Variants in MUC17 observed in about 807,000 individuals in gnomAD.
MUC17 encodes the protein mucin-17.
Under a neutral mutation model 170.3 loss-of-function variants are expected in MUC17, and 190 were observed. The ratio of observed to expected loss-of-function variants is 1.12; its 90% CI spans 0.99 to 1.26. The LOEUF is 1.26. Among genes scored for constraint, MUC17 ranks in the 50% most tolerant of loss-of-function variants. The pLI, the probability that MUC17 is intolerant of heterozygous loss-of-function variation, is 0.00. For synonymous variants in MUC17, 2,325 were observed against 2,002.5 expected, an observed-to-expected ratio of 1.16 and a Z score of -4.30; for missense variants, 6,415 against 5,530.0, an observed-to-expected ratio of 1.16 and a Z score of -5.08.
rs1794575153 is a variant in MUC17 at position 101,038,673 on chromosome 7, A to T, written c.7257A>T (p.Thr2419=). 6.2e-7 allele frequency: 1 copy of T among 1,613,710 alleles called. No homozygotes were observed. The highest frequency in any genetic ancestry group is 8.5e-7 in the Non-Finnish European group (1 of 1,179,932). ...GTTCTGAGGCTAGCACCCATTCCACAACTCCTGTTGACACCAGCACACCTG... is the reference window on the plus strand; with the variant it reads ...GTTCTGAGGCTAGCACCCATTCCACTACTCCTGTTGACACCAGCACACCTG... ...VVSSEASTHS[T]TPVDTSTPVT... Residue 2419 remains threonine (T), a synonymous_variant, in exon 3 of 13, where the codon ACA becomes ACT. Coordinates refer to ENST00000306151, the MANE Select transcript of MUC17 (RefSeq NM_001040105.2).
chr7:101,037,079 C>T lies in MUC17; in HGVS notation c.5663C>T (p.Ser1888Leu), dbSNP rs1284261080. 1.3e-6 allele frequency: 2 copies of T among 1,582,290 alleles called. No individual in the cohort carries two copies. Among genetic ancestry groups the T allele is most frequent in the Non-Finnish European group, 1.7e-6 (2 of 1,177,712 alleles). ...GCCAGTTCTGAAACCAACACCCTTT[C>T]AACAACTCCCGCTGTCACCAGCACA... is the stretch of plus-strand genomic sequence containing the variant. ...TVASSETNTL[S>L]TTPAVTSTPV... Residue 1888 changes from serine (S) to leucine (L), a missense_variant, in exon 3 of 13, where the codon TCA (serine) becomes TTA (leucine). Transcript: ENST00000306151.
At chr7:101,047,555 C>A (rs143207815) in intron 3 of MUC17, among the ~76,000 whole-genome samples, 1 of 152,142 alleles carries the variant, frequency 6.6e-6, no homozygotes, top group African/African-American at 2.4e-5. Context: ...CGGAGCCGGG[C>A]GCAGTGGCTC....
intron 11 of MUC17, among the ~76,000 whole-genome samples, chr7:101,054,057 C>A (rs1436697282): frequency 5.0e-5 from 2 of 40,380 alleles, no homozygotes; most frequent in Non-Finnish European, 4.3e-5. Context: ...AAGACCCTGT[C>A]AAAAAAAAAA....
Position 101,035,399 on chromosome 7 carries a change from C to G in MUC17, c.3983C>G (p.Pro1328Arg). ...SPTPAEGTSM[P>R]TSTYSEGRTP... ...ACACCTGCTGAAGGTACCAGCATGC[C>G]AACCTCAACTTATAGTGAAGGAAGA... Residue 1328 changes from proline (P) to arginine (R), a missense_variant, in exon 3 of 13, where the codon CCA becomes CGA. Pro to Arg is a moderately radical substitution (Grantham distance 103, BLOSUM62 -2). Transcript: ENST00000306151. 6.2e-7 allele frequency: 1 copy of G among 1,607,066 alleles called. No individual in the cohort carries two copies. The highest frequency in any genetic ancestry group is 8.5e-7 in the Non-Finnish European group (1 of 1,175,424).
intron 1 of MUC17, among the ~76,000 whole-genome samples, chr7:101,025,752 C>G (rs544065321): frequency 4.6e-5 from 7 of 151,368 alleles, no homozygotes; most frequent in Admixed American, 3.3e-4. Flanking sequence ...CAGGATCATG[C>G]CACTGCGCTC....
rs1435429681 is a variant in MUC17, at chr7:101,042,058, G to T, written c.10642G>T (p.Val3548Phe). ...STTPVDSNTF[V>F]TSSSQASSSP... ...AACTCCTGTTGACTCCAACACTTTT[G>T]TTACCAGTTCTAGTCAAGCCAGTTC... Residue 3548 changes from valine (V) to phenylalanine (F), a missense_variant, in exon 3 of 13, where the codon GTT becomes TTT. Transcript: ENST00000306151. 5.6e-6 allele frequency: 9 copies of T among 1,613,938 alleles called. No homozygotes were observed. The highest frequency in any genetic ancestry group is 7.6e-6 in the Non-Finnish European group (9 of 1,179,982).
chr7:101,029,933 A>C (rs1462889869), intron 1 of MUC17, among the ~76,000 whole-genome samples: 1 of 152,026 alleles, frequency 6.6e-6, no homozygotes, highest in Non-Finnish European at 1.5e-5. Context: ...TTTTCTAGCT[A>C]AGAATATGTG....
rs1268211438 is a variant in MUC17 at position 101,058,546 on chromosome 7, A to G, written c.*502A>G. 1 of 152,806 alleles carries G rather than the reference A, an allele frequency of 6.5e-6. No homozygotes were observed. The highest frequency in any genetic ancestry group is 1.5e-5 in the Non-Finnish European group (1 of 68,474). The allele number at this position is 152,806 out of a possible 1,614,324, so 9.5% of individuals were successfully genotyped here. The stretch of plus-strand genomic sequence containing the variant: ...CCTGCTAGCACTTCCAAACAAGCTC[A>G]GAGATGTTCCTCCCCTCATCTGCCC... On this transcript the variant is annotated 3_prime_UTR_variant, in exon 13 of 13. Coordinates refer to ENST00000306151, the MANE Select transcript of MUC17 (RefSeq NM_001040105.2).
rs139836389 is a variant in MUC17, at chr7:101,039,086, C to T, written c.7670C>T (p.Thr2557Ile). 636 of 1,613,676 alleles carry T rather than the reference C, an allele frequency of 3.9e-4. 2 individuals are homozygous for T. The Middle Eastern group carries it at 4.0e-3, about 10-fold the overall frequency. The stretch of plus-strand genomic sequence containing the variant: ...TCTACTGAAATCAGTTCATCTGCTA[C>T]ATCCGCTGAAGGTACCAGCATGCCT... ...VTSTEISSSATSAEGTSMPTS... is the reference protein window; with the variant it reads ...VTSTEISSSAISAEGTSMPTS... Residue 2557 changes from threonine (T) to isoleucine (I), a missense_variant, in exon 3 of 13, where the codon ACA becomes ATA. By Grantham distance (89) the Thr-to-Ile change is moderately conservative. Coordinates refer to ENST00000306151, the MANE Select transcript of MUC17 (RefSeq NM_001040105.2).
At chr7:101,020,909 T>C (rs7794549) in intron 1 of MUC17, among the ~76,000 whole-genome samples, 12,762 of 152,076 alleles carry the variant, frequency 0.084, 702 homozygotes, top group Non-Finnish European at 0.13. Flanking sequence ...CCAGCTGGAC[T>C]CTCTGGGAGC....
chr7:101,026,905 G>A (rs1442447886), intron 1 of MUC17, among the ~76,000 whole-genome samples: 2 of 151,922 alleles, frequency 1.3e-5, no homozygotes. Context: ...TAGTACAGAC[G>A]AGGTCTTGCT....
In MUC17 at chr7:101,020,230, C is replaced by T; in HGVS notation, c.82+13C>T. ...GCTGCAGAACAGGGTGAGTGACCCC[C>T]ACGCCCCGCTGCCCAAGAGGCCCCC... On this transcript the variant is annotated intron_variant, in intron 1 of 12. Transcript: ENST00000306151. 2.5e-6 allele frequency: 4 copies of T among 1,601,094 alleles called. No individual in the cohort carries two copies. The South Asian group carries it at 3.4e-5, about 14-fold the overall frequency.
Position 101,039,881 on chromosome 7 carries a change from T to G in MUC17, c.8465T>G (p.Val2822Gly), listed in dbSNP as rs779217004. The G allele has an allele frequency of 6.2e-7, 1 of 1,612,706 alleles. No individual in the cohort carries two copies. Among genetic ancestry groups the G allele is most frequent in the Non-Finnish European group, 8.5e-7 (1 of 1,179,628 alleles). The change falls in exon 3 of 13, where the codon GTG (valine) becomes GGG (glycine). Residue 2822 changes from valine (V) to glycine (G), a missense_variant. By Grantham distance (109) the Val-to-Gly change is moderately radical (BLOSUM62 -3). Coordinates refer to ENST00000306151, the MANE Select transcript of MUC17 (RefSeq NM_001040105.2). ...AGTATGCCTGTCAACCACACGCCAG[T>G]GGCCAGTTCTGAGGCTGGCACCCTT... ...LTSMPVNHTP[V>G]ASSEAGTLST...
chr7:101,028,993 G>A (rs1033981724), intron 1 of MUC17, among the ~76,000 whole-genome samples: 12 of 152,032 alleles, frequency 7.9e-5, no homozygotes, highest in African/African-American at 2.9e-4. Context: ...TTCGAGACCA[G>A]CCTGACCAAC....
At position 101,049,073 on chromosome 7, in the gene MUC17, C is replaced by A. The variant is rs990543910; in HGVS notation, c.12663+101C>A. The A allele has an allele frequency of 3.9e-6, 6 of 1,544,838 alleles. No individual in the cohort carries two copies. The African/African-American group carries it at 5.4e-5, about 14-fold the overall frequency. On this transcript the variant is annotated intron_variant, in intron 5 of 12. Transcript: ENST00000306151. ...GGGGGCTGTTCCCTTGTTAGATGTG[C>A]GGGAGTTCTCTCAGGCCCCCACGTC...
At chr7:101,052,099 G>A in intron 9 of MUC17, 137 bp downstream of exon 9, 1 of 1,058,040 alleles carries the variant, frequency 9.5e-7, no homozygotes. Context: ...GTGTCCAGCT[G>A]CAGAGGAATT....
rs1168140976 is a variant in MUC17, at chr7:101,041,987, T to C, written c.10571T>C (p.Val3524Ala). Residue 3524 changes from valine to alanine, a missense_variant, in exon 3 of 13, where the codon GTC becomes GCC. Physicochemically the swap from Val to Ala is moderately conservative, Grantham distance 64. Transcript: ENST00000306151. ...EGSTPLTNMPVSTTPVASSEA... is the reference protein window; with the variant it reads ...EGSTPLTNMPASTTPVASSEA... ...AGCACTCCATTAACAAATATGCCTG[T>C]CAGCACCACACCGGTGGCCAGTTCT... is the stretch of plus-strand genomic sequence containing the variant. 6.2e-7 allele frequency: 1 copy of C among 1,613,520 alleles called. No homozygotes were observed. The highest frequency in any genetic ancestry group is 8.5e-7 in the Non-Finnish European group (1 of 1,179,656).
In MUC17 at chr7:101,058,144, C is replaced by T; in HGVS notation, c.*100C>T. ...AGCCTTCCATGGGAACTCAATGTTCCCATTGTAAGTACAGGAAACAAGCCC... is the reference window on the plus strand; with the variant it reads ...AGCCTTCCATGGGAACTCAATGTTCTCATTGTAAGTACAGGAAACAAGCCC... On this transcript the variant is annotated 3_prime_UTR_variant, in exon 13 of 13. Transcript: ENST00000306151. 1 of 1,074,874 alleles carries T rather than the reference C, an allele frequency of 9.3e-7. No homozygotes were observed. The highest frequency in any genetic ancestry group is 2.4e-5 in the East Asian group (1 of 41,876). 66.6% of individuals were successfully genotyped at this position (1,074,874 alleles called of 1,614,324 possible). A position where few individuals can be genotyped will look rare whatever the true frequency, so the allele number is the denominator to read the frequency against.
In MUC17 at chr7:101,041,504, C is replaced by T. The variant is rs1174392921; in HGVS notation, c.10088C>T (p.Thr3363Ile). 1 of 1,613,888 alleles carries T rather than the reference C, an allele frequency of 6.2e-7. No homozygotes were observed. Among genetic ancestry groups the T allele is most frequent in the African/African-American group, 1.3e-5 (1 of 74,866 alleles). The stretch of plus-strand genomic sequence containing the variant: ...TCTGAGGCTAGCACCCTTTCCACAA[C>T]TCCTGTTGACACCAGCACACCTGTC... ...VSSEASTLST[T>I]PVDTSTPVTT... Residue 3363 changes from threonine (T) to isoleucine (I), a missense_variant, in exon 3 of 13, where the codon ACT becomes ATT. By Grantham distance (89) the Thr-to-Ile change is moderately conservative. Coordinates refer to ENST00000306151, the MANE Select transcript of MUC17 (RefSeq NM_001040105.2).
Sources: allele counts gnomAD v4.1 joint callset (sites outside exome capture counted in the v4.1 genomes callset), GRCh38; gene constraint gnomAD v4.1.1; transcripts MANE v1.5; gene names NCBI Gene and HGNC (gene_info 2026-07-23, HGNC 2026-07-21).